RAB3C: variants seen among roughly 807,000 people sequenced by gnomAD.
RAB3C encodes RAB3C, member RAS oncogene family, also known as ras-related protein Rab-3C.
A neutral mutation model predicts 26.4 loss-of-function variants in RAB3C; 17 were observed. That is an observed-to-expected ratio of 0.64 (90% CI 0.44 to 0.97). The LOEUF (loss-of-function observed/expected upper bound fraction) is 0.97. Among genes scored for constraint, RAB3C ranks in the 50% least tolerant of loss-of-function variants. The pLI, the probability that RAB3C is intolerant of heterozygous loss-of-function variation, is 0.00. For missense variants in RAB3C, 242 were observed against 281.9 expected (o/e 0.86, Z 1.01); for synonymous variants, 91 against 95.9 (o/e 0.95, Z 0.30).
chr5:58,621,911 C>T (rs1746949491), intron 2 of RAB3C, among the ~76,000 whole-genome samples: 1 of 152,130 alleles, frequency 6.6e-6, no homozygotes, highest in Admixed American at 6.5e-5. Flanking sequence ...GAAGGAAGAG[C>T]CTGAGTGGGA....
intron 3 of RAB3C, among the ~76,000 whole-genome samples, chr5:58,726,781 C>G (rs1740899789): frequency 6.6e-6 from 1 of 151,960 alleles, no homozygotes; most frequent in Non-Finnish European, 1.5e-5. Flanking sequence ...TCTGAAAATA[C>G]TTCTGACCCT....
chr5:58,589,829 C>A (rs1346257906), intron 1 of RAB3C, among the ~76,000 whole-genome samples: 1 of 152,164 alleles, frequency 6.6e-6, no homozygotes, highest in Non-Finnish European at 1.5e-5. Context: ...AAGTAGAGAA[C>A]TTTCTCTCAT....
chr5:58,792,891 G>A (rs1023407241), intron 3 of RAB3C, among the ~76,000 whole-genome samples: 5 of 151,868 alleles, frequency 3.3e-5, no homozygotes, highest in Non-Finnish European at 7.4e-5. Context: ...GTAATTGTTA[G>A]AATTTACACT....
chr5:58,615,153 A>T (rs1746797481), intron 1 of RAB3C, among the ~76,000 whole-genome samples: 1 of 152,224 alleles, frequency 6.6e-6, no homozygotes, highest in South Asian at 2.1e-4. Context: ...CCTGAAGTTG[A>T]TAGCAGCAGT....
intron 2 of RAB3C, among the ~76,000 whole-genome samples, chr5:58,624,250 T>C (rs394979): frequency 0.25 from 38,224 of 152,024 alleles, 5,061 homozygotes; most frequent in Admixed American, 0.31. Flanking sequence ...CCAAAAGGCC[T>C]GAGCACAGCA....
chr5:58,630,271 A>G (rs1747161458), intron 2 of RAB3C, among the ~76,000 whole-genome samples: 1 of 152,232 alleles, frequency 6.6e-6, no homozygotes, highest in African/African-American at 2.4e-5. Context: ...ATTACCTAAC[A>G]TGTGTATTGT....
intron 3 of RAB3C, among the ~76,000 whole-genome samples, chr5:58,798,250 T>C (rs998711087): frequency 6.6e-6 from 1 of 152,138 alleles, no homozygotes; most frequent in Admixed American, 6.5e-5. Context: ...GAGGATAGAC[T>C]ATAAGAGGTA....
intron 2 of RAB3C, among the ~76,000 whole-genome samples, chr5:58,639,464 A>G (rs1747365266): frequency 6.6e-6 from 1 of 152,160 alleles, no homozygotes; most frequent in African/African-American, 2.4e-5. Flanking sequence ...TTTCTGGTGA[A>G]GGCTCTCTTC....
intron 1 of RAB3C, among the ~76,000 whole-genome samples, chr5:58,594,774 T>A (rs1351387459): frequency 4.0e-5 from 6 of 151,734 alleles, no homozygotes; most frequent in Non-Finnish European, 5.9e-5. Flanking sequence ...TGATATTTTT[T>A]AAATGTTTAG....
At chr5:58,812,000 T>C (rs1272739073) in intron 3 of RAB3C, among the ~76,000 whole-genome samples, 1 of 152,160 alleles carries the variant, frequency 6.6e-6, no homozygotes, top group Non-Finnish European at 1.5e-5. Flanking sequence ...TAAAGACTCA[T>C]GATTTTTTTA....
intron 3 of RAB3C, among the ~76,000 whole-genome samples, chr5:58,813,598 A>G (rs1355009999): frequency 2.1e-4 from 2 of 9,422 alleles, no homozygotes; most frequent in Non-Finnish European, 5.1e-4. Flanking sequence ...ATATTTATAT[A>G]TATATATATA....
At chr5:58,844,218 C>G (rs1456157553) in intron 4 of RAB3C, among the ~76,000 whole-genome samples, 3 of 152,070 alleles carry the variant, frequency 2.0e-5, no homozygotes, top group Non-Finnish European at 4.4e-5. Context: ...TTTGTACATC[C>G]CTAATGTCCA....
At chr5:58,749,594 G>A (rs1184198116) in intron 3 of RAB3C, among the ~76,000 whole-genome samples, 2 of 152,038 alleles carry the variant, frequency 1.3e-5, no homozygotes, top group African/African-American at 2.4e-5. Context: ...GATAAATATG[G>A]GGTTTGTCAA....
At chr5:58,825,572 C>T (rs186573797) in intron 4 of RAB3C, among the ~76,000 whole-genome samples, 15 of 152,242 alleles carry the variant, frequency 9.9e-5, no homozygotes, top group African/African-American at 3.6e-4. Flanking sequence ...AGGTCACATC[C>T]TAGATTCTGA....
intron 3 of RAB3C, among the ~76,000 whole-genome samples, chr5:58,784,547 C>T (rs540414577): frequency 3.9e-5 from 6 of 152,148 alleles, no homozygotes; most frequent in South Asian, 4.2e-4. Flanking sequence ...CCATATCACT[C>T]GGTTTACATG....
At position 58,769,083 on chromosome 5, in the gene RAB3C, GA is replaced by G. The variant is rs528506353; in HGVS notation, c.371+42964del. 3.0e-3 allele frequency among the ~76,000 whole-genome samples: 457 copies of G among 152,068 alleles called. 6 individuals are homozygous for G. Among genetic ancestry groups the G allele is most frequent in the African/African-American group, 0.011 (445 of 41,474 alleles). ...AACTGGGCAGGGTTTGATGACAGGG[GA>G]GACCAAGAAGAACCGAGGATGGCCG... On this transcript the variant is annotated intron_variant, in intron 3 of 4. Transcript: ENST00000282878.
intron 2 of RAB3C, among the ~76,000 whole-genome samples, chr5:58,704,154 A>G (rs937554595): frequency 1.3e-5 from 2 of 152,218 alleles, no homozygotes; most frequent in Non-Finnish European, 2.9e-5. Context: ...CCACTATTTC[A>G]TCACAGTAAA....
intron 4 of RAB3C, among the ~76,000 whole-genome samples, chr5:58,825,467 T>C (rs192059787): frequency 6.6e-6 from 1 of 152,308 alleles, no homozygotes; most frequent in East Asian, 1.9e-4. Context: ...TTGGTTTTTT[T>C]CCCCCATACT....
upstream of RAB3C, chr5:58,582,327 C>T (rs1745916071): frequency 1.1e-6 from 1 of 893,306 alleles, no homozygotes; most frequent in Non-Finnish European, 1.3e-6. Context: ...ATTTTAGCCC[C>T]GCTTCCTACG....
Sources: gnomAD v4.1 joint callset for allele counts (sites outside exome capture counted in the v4.1 genomes callset) on GRCh38, gnomAD v4.1.1 for gene constraint, MANE v1.5 for transcripts, NCBI Gene and HGNC (gene_info 2026-07-23, HGNC 2026-07-21) for gene names.